The following RORA variants were observed in gnomAD, a reference collection of about 807,000 sequenced individuals.
The protein encoded by RORA is nuclear receptor ROR-alpha.
A neutral mutation model predicts 69.5 loss-of-function variants in RORA; 7 were observed. That is an observed-to-expected ratio of 0.10 (90% confidence interval 0.06 to 0.19). RORA has a LOEUF of 0.19. Among genes scored for constraint, RORA ranks in the 10% least tolerant of loss-of-function variants. The pLI is 1.00. For missense variants in RORA, 457 were observed against 663.0 expected (o/e 0.69, Z 3.41); for synonymous variants, 261 against 240.8 (o/e 1.08, Z -0.78).
At chr15:60,999,858 A>T (rs191713095) in intron 1 of RORA, among the ~76,000 whole-genome samples, 1 of 152,332 alleles carries the variant, frequency 6.6e-6, no homozygotes. Flanking sequence ...CATTTAGAAG[A>T]GGATCAGATT....
At chr15:60,785,316 T>A (rs1048838478) in intron 1 of RORA, among the ~76,000 whole-genome samples, 3 of 152,234 alleles carry the variant, frequency 2.0e-5, no homozygotes, top group African/African-American at 7.2e-5. Context: ...TTTGAAACTT[T>A]CTTCCTGAGG....
intron 2 of RORA, among the ~76,000 whole-genome samples, chr15:60,555,254 T>C (rs1191401228): frequency 2.0e-5 from 3 of 152,188 alleles, no homozygotes; most frequent in African/African-American, 4.8e-5. Context: ...CTTACCCTTA[T>C]TTACTGTGGC....
intron 2 of RORA, among the ~76,000 whole-genome samples, chr15:60,662,119 T>A (rs754991703): frequency 6.6e-6 from 1 of 152,260 alleles, no homozygotes; most frequent in Admixed American, 6.5e-5. Context: ...ATTCATTTTG[T>A]GCTTTATCAT....
intron 1 of RORA, among the ~76,000 whole-genome samples, chr15:60,931,313 C>T (rs1892366187): frequency 6.6e-6 from 1 of 152,188 alleles, no homozygotes. Flanking sequence ...CAGGCCTCCA[C>T]TGGATGCCCT....
At chr15:60,832,011 T>A (rs938786511) in intron 1 of RORA, among the ~76,000 whole-genome samples, 2 of 152,178 alleles carry the variant, frequency 1.3e-5, no homozygotes, top group African/African-American at 4.8e-5. Context: ...TACAGCACCA[T>A]CAGCCACACG....
At chr15:60,580,302 C>A (rs1168416531) in intron 2 of RORA, among the ~76,000 whole-genome samples, 1 of 152,122 alleles carries the variant, frequency 6.6e-6, no homozygotes, top group Non-Finnish European at 1.5e-5. Flanking sequence ...GTAATGCACA[C>A]CTGATTCAGC....
intron 1 of RORA, among the ~76,000 whole-genome samples, chr15:61,102,095 T>C (rs1407433392): frequency 3.3e-5 from 5 of 152,030 alleles, no homozygotes; most frequent in Non-Finnish European, 7.4e-5. Flanking sequence ...ACACATACAT[T>C]TCTCCCAGCC....
intron 8 of RORA, among the ~76,000 whole-genome samples, chr15:60,502,210 C>T (rs1457260382): frequency 6.6e-6 from 1 of 152,204 alleles, no homozygotes; most frequent in Non-Finnish European, 1.5e-5. Context: ...AAACTCCTGA[C>T]CTCAGGTGAT....
At chr15:61,100,054 G>C (rs996236686) in intron 1 of RORA, among the ~76,000 whole-genome samples, 28 of 151,348 alleles carry the variant, frequency 1.9e-4, no homozygotes, top group African/African-American at 6.8e-4. Context: ...ATTCAAAAGA[G>C]CCAGAAATTG....
At chr15:60,699,914 A>G (rs529315511) in intron 1 of RORA, among the ~76,000 whole-genome samples, 1 of 152,230 alleles carries the variant, frequency 6.6e-6, no homozygotes, top group African/African-American at 2.4e-5. Flanking sequence ...CCTGAAGCTA[A>G]GAGGGCTTCA....
At chr15:60,876,304 C>T (rs1258634796) in intron 1 of RORA, among the ~76,000 whole-genome samples, 1 of 29,458 alleles carries the variant, frequency 3.4e-5, no homozygotes, top group Non-Finnish European at 6.9e-5. Flanking sequence ...TGGGCTCTTA[C>T]AGGAAGTGGG....
At chr15:60,607,947 A>G (rs1305892509) in intron 2 of RORA, among the ~76,000 whole-genome samples, 1 of 152,272 alleles carries the variant, frequency 6.6e-6, no homozygotes, top group African/African-American at 2.4e-5. Context: ...CCATGCACAC[A>G]CATGATACCG....
chr15:60,610,490 G>A (rs1395604540), intron 2 of RORA, among the ~76,000 whole-genome samples: 5 of 152,096 alleles, frequency 3.3e-5, no homozygotes, highest in Admixed American at 1.3e-4. Context: ...AGCAGGAAGC[G>A]GGCTGTGGCT....
intron 1 of RORA, among the ~76,000 whole-genome samples, chr15:60,851,427 C>A (rs1011865115): frequency 6.6e-6 from 1 of 152,110 alleles, no homozygotes; most frequent in African/African-American, 2.4e-5. Context: ...AACGGGGTTG[C>A]ATGTGTTGGC....
At chr15:60,784,554 T>G (rs1348827317) in intron 1 of RORA, among the ~76,000 whole-genome samples, 4 of 152,196 alleles carry the variant, frequency 2.6e-5, no homozygotes, top group Admixed American at 6.5e-5. Flanking sequence ...GATTCACCCT[T>G]CTGTTTCTGG....
chr15:60,550,018 C>T (rs563474924), intron 2 of RORA, among the ~76,000 whole-genome samples: 3 of 152,316 alleles, frequency 2.0e-5, no homozygotes, highest in South Asian at 2.1e-4. Context: ...AGGGGCCGGG[C>T]GCGGTGGCTC....
intron 1 of RORA, among the ~76,000 whole-genome samples, chr15:61,160,674 G>A (rs2079487050): frequency 6.6e-6 from 1 of 152,116 alleles, no homozygotes. Context: ...AAGAAACATA[G>A]TGGCAAGTGG....
intron 1 of RORA, among the ~76,000 whole-genome samples, chr15:61,044,109 A>G (rs1213277750): frequency 1.3e-5 from 2 of 152,198 alleles, no homozygotes; most frequent in African/African-American, 4.8e-5. Context: ...ACACTTGGGA[A>G]GGAAAGGAAA....
At chr15:60,971,646 C>T (rs1165415128) in intron 1 of RORA, among the ~76,000 whole-genome samples, 1 of 152,204 alleles carries the variant, frequency 6.6e-6, no homozygotes, top group Non-Finnish European at 1.5e-5. Flanking sequence ...CTGTTTATAG[C>T]CACCAAGCTC....
Sources: allele counts gnomAD v4.1 joint callset (sites outside exome capture counted in the v4.1 genomes callset), GRCh38; gene constraint gnomAD v4.1.1; transcripts MANE v1.5; gene names NCBI Gene and HGNC (gene_info 2026-07-23, HGNC 2026-07-21).